Variants in EED observed in about 807,000 individuals in gnomAD.
The protein encoded by EED is polycomb protein EED.
In EED, 9 loss-of-function variants were observed where a neutral mutation model predicts 61.0. That is an observed-to-expected ratio of 0.15 (90% CI 0.09 to 0.26). The LOEUF is 0.26. EED is among the 10% of genes least tolerant of loss of function. EED has a pLI of 1.00. For missense variants in EED, 315 were observed against 542.3 expected, an observed-to-expected ratio of 0.58 and a Z score of 4.16; for synonymous variants, 187 against 174.4, an observed-to-expected ratio of 1.07 and a Z score of -0.57.
At chr11:86,254,636 T>A (rs576099377) in intron 3 of EED, among the ~76,000 whole-genome samples, 46 of 151,520 alleles carry the variant, frequency 3.0e-4, no homozygotes, top group African/African-American at 1.0e-3. Flanking sequence ...ATTTTATTTT[T>A]TTTTGAGACA....
rs1565684659 is a variant in EED at position 86,245,075 on chromosome 11, C to G, written c.-155C>G. 1 of 579,420 alleles carries G rather than the reference C, an allele frequency of 1.7e-6. No individual in the cohort carries two copies. The highest frequency in any genetic ancestry group is 2.9e-6 in the Non-Finnish European group (1 of 340,084). The allele number at this position is 579,420 out of a possible 1,614,324, so 35.9% of individuals were successfully genotyped here. The stretch of plus-strand genomic sequence containing the variant: ...GTGGCGGGGTCGCACGCACGCCCGC[C>G]TCGGCGGCTGGGCGCGATTTGCGAC... On this transcript the variant is annotated 5_prime_UTR_variant, in exon 1 of 12. Coordinates refer to ENST00000263360, the MANE Select transcript of EED (RefSeq NM_003797.5).
chr11:86,245,805 G>A (rs1945377332), intron 1 of EED, among the ~76,000 whole-genome samples: 1 of 152,270 alleles, frequency 6.6e-6, no homozygotes, highest in Non-Finnish European at 1.5e-5. Context: ...TTCGATTTGC[G>A]GAGTTTGGGA....
chr11:86,249,547 G>C (rs1462912602), intron 1 of EED, among the ~76,000 whole-genome samples: 4 of 152,162 alleles, frequency 2.6e-5, no homozygotes, highest in Admixed American at 6.6e-5. Context: ...AGGGCCACTC[G>C]TGTGTGAGAT....
intron 9 of EED, 37 bp downstream of exon 9, chr11:86,268,598 T>TGTGTGC (rs1203793928): frequency 1.5e-6 from 1 of 687,494 alleles, no homozygotes; most frequent in East Asian, 3.6e-5. Flanking sequence ...TTCCATCGTG[T>TGTGTGC]GTGTGTGTGT....
rs1945996311 is a variant in EED, at chr11:86,267,003, T to C, written c.860+787T>C. 2.0e-5 allele frequency among the ~76,000 whole-genome samples: 3 copies of C among 152,180 alleles called. No homozygotes were observed. The South Asian group carries it at 6.2e-4, about 32-fold the overall frequency. On this transcript the variant is annotated intron_variant, in intron 8 of 11. Coordinates refer to ENST00000263360, the MANE Select transcript of EED (RefSeq NM_003797.5). ...CACTAACATTCATCAGACCTAAGTG[T>C]CCTCTAAGAATTATTAAAAGTTTTA...
Position 86,266,101 on chromosome 11 carries a change from G to A in EED, c.745G>A (p.Glu249Lys). 1 of 1,594,094 alleles carries A rather than the reference G, an allele frequency of 6.3e-7. No homozygotes were observed. The highest frequency in any genetic ancestry group is 1.8e-5 in the Admixed American group (1 of 56,866). Reference sequence around the variant, plus strand: ...CATACAGGATTATGATCTTTTGGGTGAAAAAATAATGTCCTGTGGTATGGA... The same window carrying A: ...CATACAGGATTATGATCTTTTGGGTAAAAAAATAATGTCCTGTGGTATGGA... ...VLSADYDLLG[E>K]KIMSCGMDHS... Residue 249 changes from glutamate (E) to lysine (K), a missense_variant, in exon 8 of 12, where the codon GAA becomes AAA. Physicochemically the swap from Glu to Lys is moderately conservative, Grantham distance 56 (BLOSUM62 1). Around this residue, in one of 2 missense-constraint regions of EED, gnomAD observed 205 missense variants for 455.4 expected, o/e 0.45. Transcript: ENST00000263360.
chr11:86,274,153 T>G (rs975307875), intron 9 of EED, among the ~76,000 whole-genome samples: 2 of 151,956 alleles, frequency 1.3e-5, no homozygotes, highest in South Asian at 2.1e-4. Context: ...GTCTTTAAAT[T>G]TACTGACTCT....
In EED at chr11:86,245,105, G is replaced by T. The variant is rs372728427; in HGVS notation, c.-125G>T. 141 of 678,366 alleles carry T rather than the reference G, an allele frequency of 2.1e-4. No homozygotes were observed. The highest frequency in any genetic ancestry group is 2.9e-4 in the Non-Finnish European group (119 of 411,656). 42.0% of individuals were successfully genotyped at this position (678,366 alleles called of 1,614,324 possible). A position where few individuals can be genotyped will look rare whatever the true frequency, so the allele number is the denominator to read the frequency against. ...CGGCTGGGCGCGATTTGCGACAGTGGGGGGGGCGGTGGAGGTGGCGGCGGC... is the reference window on the plus strand; with the variant it reads ...CGGCTGGGCGCGATTTGCGACAGTGTGGGGGGCGGTGGAGGTGGCGGCGGC... On this transcript the variant is annotated 5_prime_UTR_variant, in exon 1 of 12. Transcript: ENST00000263360.
chr11:86,278,326 A>G (rs752905283), intron 11 of EED, 73 bp from the exon 12 acceptor site: 6 of 1,534,422 alleles, frequency 3.9e-6, no homozygotes, highest in Non-Finnish European at 5.3e-6. Flanking sequence ...CTTATTTTCT[A>G]ATCCGCTGTT....
At chr11:86,268,409 A>T in intron 8 of EED, 47 bp from the exon 9 acceptor site, 1 of 1,222,284 alleles carries the variant, frequency 8.2e-7, no homozygotes, top group Non-Finnish European at 1.2e-6. Flanking sequence ...GTATGATTCT[A>T]CTATAATTTT....
At chr11:86,282,086 A>C (rs1946330524), downstream of EED, among the ~76,000 whole-genome samples, 1 of 152,248 alleles carries the variant, frequency 6.6e-6, no homozygotes, top group South Asian at 2.1e-4. Context: ...ATTTATCTAT[A>C]CATCTACACC....
At chr11:86,283,925 C>T in the EED span, 1 of 151,378 alleles carries the variant, frequency 6.6e-6, no homozygotes, top group Non-Finnish European at 1.5e-5. Flanking sequence ...TACCAGGATA[C>T]TTGAGTGCCA....
At chr11:86,281,563 A>G (rs1033137676), downstream of EED, among the ~76,000 whole-genome samples, 5 of 152,178 alleles carry the variant, frequency 3.3e-5, no homozygotes, top group African/African-American at 1.2e-4. Flanking sequence ...TTAATGCTAT[A>G]AACTTCCCTC....
Position 86,250,448 on chromosome 11 carries a change from G to T in EED, c.267G>T (p.Lys89Asn). The change falls in exon 2 of 12, where the codon AAG (lysine) becomes AAT (asparagine). Residue 89 changes from lysine (K) to asparagine (N), a missense_variant and splice_region_variant. By Grantham distance (94) the Lys-to-Asn change is moderately conservative (BLOSUM62 0). This residue lies in a region of EED where 205 missense variants were observed against 455.4 expected (regional missense o/e 0.45). Transcript: ENST00000263360. ...KYSFKCVNSLKEDHNQPLFGV... is the reference protein window; with the variant it reads ...KYSFKCVNSLNEDHNQPLFGV... Reference sequence around the variant, plus strand: ...CTTTCAAATGTGTAAATAGTCTCAAGGTATGTGCAAAAAAAGATCCTTTGG... The same window carrying T: ...CTTTCAAATGTGTAAATAGTCTCAATGTATGTGCAAAAAAAGATCCTTTGG... 1 of 1,575,918 alleles carries T rather than the reference G, an allele frequency of 6.3e-7. No homozygotes were observed. Among genetic ancestry groups the T allele is most frequent in the South Asian group, 1.2e-5 (1 of 85,370 alleles).
intron 9 of EED, among the ~76,000 whole-genome samples, chr11:86,269,578 C>A (rs1463727818): frequency 6.6e-6 from 1 of 151,882 alleles, no homozygotes; most frequent in East Asian, 1.9e-4. Flanking sequence ...TAACTTGATT[C>A]ATAGGATGTT....
At chr11:86,269,973 T>C in intron 9 of EED, 1 of 580,904 alleles carries the variant, frequency 1.7e-6, no homozygotes, top group Non-Finnish European at 3.1e-6. Flanking sequence ...TGTCCAGGTT[T>C]TTGTGTGGAC....
At chr11:86,283,055 GAAC>G (rs1024669696), downstream of EED, among the ~76,000 whole-genome samples, 10 of 151,972 alleles carry the variant, frequency 6.6e-5, no homozygotes, top group African/African-American at 2.4e-4. Context: ...GGAAAAAAAA[GAAC>G]AACAAACAAC....
chr11:86,271,271 G>A (rs12417008), intron 9 of EED, among the ~76,000 whole-genome samples: 3,632 of 152,120 alleles, frequency 0.024, 152 homozygotes, highest in East Asian at 0.14. Context: ...TTATACCTAA[G>A]TATTTTTTAA....
At chr11:86,258,864 T>G (rs1945755044) in intron 6 of EED, among the ~76,000 whole-genome samples, 1 of 148,132 alleles carries the variant, frequency 6.8e-6, no homozygotes, top group African/African-American at 2.5e-5. Flanking sequence ...CCTCTATTTA[T>G]TTATTTATTT....
Sources: gnomAD v4.1 joint callset for allele counts (sites outside exome capture counted in the v4.1 genomes callset) on GRCh38, gnomAD v4.1.1 for gene constraint, gnomAD v4.1.1 regional missense constraint, MANE v1.5 for transcripts, NCBI Gene and HGNC (gene_info 2026-07-23, HGNC 2026-07-21) for gene names.